IMMP2L: variants seen among roughly 807,000 people sequenced by gnomAD.
IMMP2L encodes the protein inner mitochondrial membrane peptidase subunit 2, also known as mitochondrial inner membrane protease subunit 2.
In IMMP2L, 18 loss-of-function variants were observed where a neutral mutation model predicts 19.3. The observed-to-expected ratio is 0.93, with a 90% confidence interval of 0.64 to 1.38. IMMP2L has a LOEUF of 1.38. Ranked by LOEUF, IMMP2L falls within the 40% of genes most tolerant of loss-of-function variation. The pLI is 0.00. For synonymous variants in IMMP2L, 76 were observed against 73.0 expected, an observed-to-expected ratio of 1.04 and a Z score of -0.21; for missense variants, 233 against 218.2, an observed-to-expected ratio of 1.07 and a Z score of -0.43.
chr7:110,692,004 T>C (rs1216800280), intron 5 of IMMP2L, among the ~76,000 whole-genome samples: 1 of 152,148 alleles, frequency 6.6e-6, no homozygotes, highest in African/African-American at 2.4e-5. Context: ...GACATCTGCA[T>C]ACAAATGTTT....
At chr7:110,897,523 G>A (rs893164724) in intron 4 of IMMP2L, among the ~76,000 whole-genome samples, 1 of 152,160 alleles carries the variant, frequency 6.6e-6, no homozygotes, top group African/African-American at 2.4e-5. Context: ...AATCTTTTTG[G>A]AAGCAATCTG....
chr7:111,389,550 AAAT>A (rs1037157908), intron 3 of IMMP2L, among the ~76,000 whole-genome samples: 3 of 152,014 alleles, frequency 2.0e-5, no homozygotes, highest in African/African-American at 7.2e-5. Flanking sequence ...AAAAACTTCA[AAAT>A]AATAATAATG....
At chr7:111,204,733 T>G (rs1423367136) in intron 3 of IMMP2L, among the ~76,000 whole-genome samples, 2 of 152,124 alleles carry the variant, frequency 1.3e-5, no homozygotes, top group Non-Finnish European at 1.5e-5. Context: ...TGTTTTGCTA[T>G]CCCCCATTTA....
At chr7:110,970,427 T>G (rs371400725) in intron 3 of IMMP2L, among the ~76,000 whole-genome samples, 2 of 152,132 alleles carry the variant, frequency 1.3e-5, no homozygotes, top group African/African-American at 4.8e-5. Flanking sequence ...AAAATGTGTG[T>G]GTGTGTGCAC....
chr7:111,416,586 G>C (rs1278598672), intron 3 of IMMP2L, among the ~76,000 whole-genome samples: 2 of 151,698 alleles, frequency 1.3e-5, no homozygotes, highest in Non-Finnish European at 2.9e-5. Flanking sequence ...CATGTAAAAA[G>C]TTTTAACCCC....
At chr7:111,215,652 T>C (rs564169823) in intron 3 of IMMP2L, among the ~76,000 whole-genome samples, 1 of 152,274 alleles carries the variant, frequency 6.6e-6, no homozygotes, top group South Asian at 2.1e-4. Flanking sequence ...AAATAGGCAC[T>C]TAAAAAAGAA....
chr7:110,772,746 C>G lies in IMMP2L; in HGVS notation c.409-109025G>C, dbSNP rs181277183. Among the ~76,000 whole-genome samples, 21 of 152,220 alleles carry G rather than the reference C, an allele frequency of 1.4e-4. No homozygotes were observed. In the East Asian group the frequency reaches 2.1e-3, roughly 16 times the overall value. On this transcript the variant is annotated intron_variant, in intron 5 of 5. Coordinates refer to ENST00000405709, the MANE Select transcript of IMMP2L (RefSeq NM_032549.4). Reference sequence around the variant, plus strand: ...AGGACCAAGTTGGTCTTGACTCCCCCACTCAAGTCATTTGTAAGCACTATG... The same window carrying G: ...AGGACCAAGTTGGTCTTGACTCCCCGACTCAAGTCATTTGTAAGCACTATG...
At chr7:111,464,724 G>A (rs796227860) in intron 3 of IMMP2L, among the ~76,000 whole-genome samples, 11 of 152,044 alleles carry the variant, frequency 7.2e-5, no homozygotes, top group East Asian at 3.9e-4. Flanking sequence ...ATTTTTACAC[G>A]GACCCTACCC....
chr7:110,891,953 G>A (rs1252675427), intron 4 of IMMP2L, among the ~76,000 whole-genome samples: 1 of 152,150 alleles, frequency 6.6e-6, no homozygotes, highest in African/African-American at 2.4e-5. Context: ...AATATTTGAA[G>A]AGATAGTGGT....
At chr7:111,454,052 A>G (rs550110108) in intron 3 of IMMP2L, among the ~76,000 whole-genome samples, 1 of 152,324 alleles carries the variant, frequency 6.6e-6, no homozygotes, top group African/African-American at 2.4e-5. Flanking sequence ...TATATTTAAT[A>G]CATCATCAAA....
intron 3 of IMMP2L, among the ~76,000 whole-genome samples, chr7:111,434,728 A>AT (rs1173548144): frequency 1.3e-5 from 2 of 151,506 alleles, no homozygotes; most frequent in African/African-American, 4.9e-5. Context: ...TAATTTTTGT[A>AT]TTTTTAGTAG....
chr7:111,232,360 T>C (rs923496869), intron 3 of IMMP2L, among the ~76,000 whole-genome samples: 1 of 150,998 alleles, frequency 6.6e-6, no homozygotes, highest in Non-Finnish European at 1.5e-5. Context: ...ACTATATTGA[T>C]TCATTTTGGA....
chr7:111,104,089 A>G (rs966083974), intron 3 of IMMP2L, among the ~76,000 whole-genome samples: 3 of 151,712 alleles, frequency 2.0e-5, no homozygotes, highest in African/African-American at 7.2e-5. Flanking sequence ...ACAACTCTTC[A>G]TATCTCTGAG....
chr7:110,763,431 C>T (rs766757137), intron 5 of IMMP2L, among the ~76,000 whole-genome samples: 12 of 152,008 alleles, frequency 7.9e-5, no homozygotes, highest in Non-Finnish European at 1.8e-4. Context: ...GGGCAGTGTA[C>T]TAGGGTCCAG....
intron 3 of IMMP2L, among the ~76,000 whole-genome samples, chr7:111,471,259 T>G (rs1424320649): frequency 5.9e-5 from 9 of 152,092 alleles, no homozygotes; most frequent in Admixed American, 5.9e-4. Flanking sequence ...TCCAGATGCT[T>G]GGAAATAAGA....
intron 3 of IMMP2L, among the ~76,000 whole-genome samples, chr7:111,353,492 C>T (rs769738032): frequency 6.6e-6 from 1 of 152,130 alleles, no homozygotes; most frequent in African/African-American, 2.4e-5. Context: ...AACTCAAAAC[C>T]CTTTTCTATT....
At chr7:111,073,217 T>C (rs561165627) in intron 3 of IMMP2L, among the ~76,000 whole-genome samples, 175 of 152,188 alleles carry the variant, frequency 1.1e-3, no homozygotes, top group Non-Finnish European at 2.3e-3. Flanking sequence ...AATGAGTGTA[T>C]ATATACACAT....
intron 4 of IMMP2L, among the ~76,000 whole-genome samples, chr7:110,930,803 T>C (rs1302366127): frequency 6.6e-6 from 1 of 152,212 alleles, no homozygotes; most frequent in Non-Finnish European, 1.5e-5. Context: ...AACTTTATTA[T>C]TTAGTTATTA....
In IMMP2L at chr7:111,415,990, G is replaced by GTC. The variant is rs1280790251; in HGVS notation, c.239+71247_239+71248insGA. Among the ~76,000 whole-genome samples the GTC allele has an allele frequency of 3.3e-5, 5 of 151,648 alleles. No individual in the cohort carries two copies. The South Asian group carries it at 8.3e-4, about 25-fold the overall frequency. On this transcript the variant is annotated intron_variant, in intron 3 of 5. Transcript: ENST00000405709. ...GAGATTTGCATAATTTTCCTTAATT[G>GTC]TACACTTTAAAATGGTTCATAATAT...
Sources: gnomAD v4.1 joint callset for allele counts (sites outside exome capture counted in the v4.1 genomes callset) on GRCh38, gnomAD v4.1.1 for gene constraint, MANE v1.5 for transcripts, NCBI Gene and HGNC (gene_info 2026-07-23, HGNC 2026-07-21) for gene names.